DYNC1I1: variants seen among roughly 807,000 people sequenced by gnomAD.
DYNC1I1 encodes dynein cytoplasmic 1 intermediate chain 1.
Under a neutral mutation model 86.6 loss-of-function variants are expected in DYNC1I1, and 43 were observed. The observed-to-expected ratio is 0.50, with a 90% CI of 0.39 to 0.64. DYNC1I1 has a LOEUF of 0.64. DYNC1I1 is among the 30% of genes least tolerant of loss of function. The pLI, the probability that DYNC1I1 is intolerant of heterozygous loss-of-function variation, is 0.00. For synonymous variants in DYNC1I1, 262 were observed against 283.7 expected (o/e 0.92, Z 0.77); for missense variants, 604 against 788.8 (o/e 0.77, Z 2.81).
chr7:95,962,704 C>T (rs78967303), intron 6 of DYNC1I1, among the ~76,000 whole-genome samples: 1 of 152,080 alleles, frequency 6.6e-6, no homozygotes, highest in Admixed American at 6.6e-5. Context: ...TAAAGTAGAT[C>T]TTAAAGAAGC....
intron 4 of DYNC1I1, among the ~76,000 whole-genome samples, chr7:95,819,792 A>G (rs1795033901): frequency 6.6e-6 from 1 of 152,222 alleles, no homozygotes; most frequent in Non-Finnish European, 1.5e-5. Flanking sequence ...AATAAGATTT[A>G]CACTATAGGG....
At chr7:95,952,051 A>G (rs1346506748) in intron 6 of DYNC1I1, among the ~76,000 whole-genome samples, 1 of 152,208 alleles carries the variant, frequency 6.6e-6, no homozygotes, top group Non-Finnish European at 1.5e-5. Flanking sequence ...TTGATTCTGA[A>G]GTGCTTGCTC....
intron 2 of DYNC1I1, among the ~76,000 whole-genome samples, chr7:95,809,520 ACTTAT>A (rs759644897): frequency 2.0e-5 from 3 of 152,172 alleles, no homozygotes; most frequent in Non-Finnish European, 2.9e-5. Flanking sequence ...GGGGCAAATA[ACTTAT>A]CTTAAGTAAT....
chr7:95,972,276 C>A (rs565240509), intron 6 of DYNC1I1, among the ~76,000 whole-genome samples: 1 of 152,094 alleles, frequency 6.6e-6, no homozygotes, highest in Non-Finnish European at 1.5e-5. Context: ...GCGTGGGGAC[C>A]GAGGGAGCTC....
At chr7:95,773,147 C>T (rs543052393) in intron 1 of DYNC1I1, among the ~76,000 whole-genome samples, 1 of 152,314 alleles carries the variant, frequency 6.6e-6, no homozygotes, top group South Asian at 2.1e-4. Context: ...TCTGGGCCAC[C>T]GGCTGACTGC....
chr7:96,097,744 T>G lies in DYNC1I1; in HGVS notation c.*151T>G. 1.4e-6 allele frequency: 2 copies of G among 1,386,514 alleles called. No homozygotes were observed. The highest frequency in any genetic ancestry group is 1.9e-6 in the Non-Finnish European group (2 of 1,063,468). The allele number at this position is 1,386,514 out of a possible 1,614,324, so 85.9% of individuals were successfully genotyped here. A position where few individuals can be genotyped will look rare whatever the true frequency, so the allele number is the denominator to read the frequency against. On this transcript the variant is annotated 3_prime_UTR_variant, in exon 17 of 17. Transcript: ENST00000447467. ...TGTGCCAGCTTTGCTCCAAGTATTCTAAATGTGTCCCATCATGCTTTCCAC... is the reference window on the plus strand; with the variant it reads ...TGTGCCAGCTTTGCTCCAAGTATTCGAAATGTGTCCCATCATGCTTTCCAC...
chr7:96,083,767 C>T (rs984034586), intron 16 of DYNC1I1, among the ~76,000 whole-genome samples: 3 of 152,192 alleles, frequency 2.0e-5, no homozygotes, highest in African/African-American at 7.2e-5. Flanking sequence ...CCAGTAGGCT[C>T]TGCCACCACT....
intron 5 of DYNC1I1, among the ~76,000 whole-genome samples, chr7:95,865,519 A>T (rs1789995299): frequency 6.6e-6 from 1 of 152,170 alleles, no homozygotes; most frequent in South Asian, 2.1e-4. Context: ...TTAGTAAGGG[A>T]TAAATAAGTA....
intron 6 of DYNC1I1, among the ~76,000 whole-genome samples, chr7:95,913,167 G>T (rs964947715): frequency 6.6e-6 from 1 of 151,996 alleles, no homozygotes; most frequent in Non-Finnish European, 1.5e-5. Context: ...TTCTATCCTG[G>T]GTGGGAAAAA....
chr7:95,811,179 CT>C (rs748519345), intron 3 of DYNC1I1, among the ~76,000 whole-genome samples: 40 of 152,098 alleles, frequency 2.6e-4, no homozygotes, highest in Non-Finnish European at 4.7e-4. Flanking sequence ...TTGAAGGTAA[CT>C]TGTGCATATT....
chr7:95,913,716 A>G (rs1360856064), intron 6 of DYNC1I1, among the ~76,000 whole-genome samples: 1 of 152,252 alleles, frequency 6.6e-6, no homozygotes, highest in Non-Finnish European at 1.5e-5. Flanking sequence ...TGGGTAACAC[A>G]TAGAATTAGG....
intron 1 of DYNC1I1, among the ~76,000 whole-genome samples, chr7:95,793,461 C>T (rs996142547): frequency 4.0e-5 from 6 of 151,898 alleles, no homozygotes; most frequent in African/African-American, 1.5e-4. Context: ...AAGGGAACTC[C>T]CAGGGCAGAA....
intron 5 of DYNC1I1, among the ~76,000 whole-genome samples, chr7:95,835,371 T>G (rs1789049458): frequency 6.9e-6 from 1 of 143,970 alleles, no homozygotes. Context: ...TTACATTTGC[T>G]GAGGAGAGCT....
chr7:95,884,755 G>A (rs556007482), intron 6 of DYNC1I1, among the ~76,000 whole-genome samples: 4 of 148,058 alleles, frequency 2.7e-5, no homozygotes, highest in South Asian at 4.3e-4. Flanking sequence ...GCAATATAGC[G>A]AGACCCCGTT....
chr7:96,084,935 A>T (rs1432595536), intron 16 of DYNC1I1, among the ~76,000 whole-genome samples: 1 of 152,142 alleles, frequency 6.6e-6, no homozygotes, highest in Non-Finnish European at 1.5e-5. Context: ...CCCCAGTTGG[A>T]GTGGAGCGGG....
chr7:95,875,344 G>T (rs1226762442), intron 6 of DYNC1I1, among the ~76,000 whole-genome samples: 2 of 152,146 alleles, frequency 1.3e-5, no homozygotes, highest in Non-Finnish European at 2.9e-5. Flanking sequence ...ACATTATTAC[G>T]CTTGCAGCAT....
intron 16 of DYNC1I1, among the ~76,000 whole-genome samples, chr7:96,108,317 C>T (rs186194770): frequency 1.0e-3 from 153 of 152,190 alleles, no homozygotes; most frequent in African/African-American, 3.5e-3. Context: ...TAACGTTGAG[C>T]TCAAATTGCC....
chr7:96,022,156 C>T (rs1000105146), intron 10 of DYNC1I1, among the ~76,000 whole-genome samples: 2 of 152,140 alleles, frequency 1.3e-5, no homozygotes, highest in African/African-American at 2.4e-5. Context: ...CTCTCCACAT[C>T]GTCACCAACA....
At chr7:96,096,526 A>T (rs1048723250) in intron 16 of DYNC1I1, among the ~76,000 whole-genome samples, 3 of 151,474 alleles carry the variant, frequency 2.0e-5, no homozygotes, top group Non-Finnish European at 3.0e-5. Flanking sequence ...TCATCCTCAA[A>T]TTTTTTTTTC....
Sources: allele counts gnomAD v4.1 joint callset (sites outside exome capture counted in the v4.1 genomes callset), GRCh38; gene constraint gnomAD v4.1.1; transcripts MANE v1.5; gene names NCBI Gene and HGNC (gene_info 2026-07-23, HGNC 2026-07-21).